The following DTX2 variants were observed in gnomAD, a reference collection of about 807,000 sequenced individuals.
DTX2 encodes the protein probable E3 ubiquitin-protein ligase DTX2.
Under a neutral mutation model 55.3 loss-of-function variants are expected in DTX2, and 29 were observed. The observed-to-expected ratio is 0.52, with a 90% CI of 0.39 to 0.71. The LOEUF (loss-of-function observed/expected upper bound fraction) is 0.71. Among genes scored for constraint, DTX2 ranks in the 30% least tolerant of loss-of-function variants. The pLI, the probability that DTX2 is intolerant of heterozygous loss-of-function variation, is 0.00. For missense variants in DTX2, 537 were observed against 822.5 expected (o/e 0.65, Z 4.25); for synonymous variants, 276 against 340.4 (o/e 0.81, Z 2.08).
chr7:76,465,038 A>T, intron 2 of DTX2, among the ~76,000 whole-genome samples: 1 of 150,832 alleles, frequency 6.6e-6, no homozygotes, highest in Middle Eastern at 3.4e-3. Flanking sequence ...TCCCAGGCTC[A>T]AGAGGTTCTT....
At chr7:76,499,033 G>GAGA (rs2116570057) in intron 6 of DTX2, among the ~76,000 whole-genome samples, 1 of 53,562 alleles carries the variant, frequency 1.9e-5, no homozygotes, top group Non-Finnish European at 3.4e-5. Flanking sequence ...GTGAGGTGGG[G>GAGA]TGTGAGGTGT....
In DTX2 at chr7:76,502,303, C is replaced by A. The variant is rs1287241104; in HGVS notation, c.1236C>A (p.Cys412Ter). Residue 412 changes from cysteine (C) to a stop codon, truncating the protein, a stop_gained, in exon 8 of 11, where the codon TGC becomes TGA. Transcript: ENST00000430490. LOFTEE classifies it high-confidence loss of function. ...EELKVPPDED[C>*]IICMEKLSTA... ...CCATGTTTGGTCTCCTCCAGGACTGCATCATCTGCATGGAGAAGCTGTCCA... is the reference window on the plus strand; with the variant it reads ...CCATGTTTGGTCTCCTCCAGGACTGAATCATCTGCATGGAGAAGCTGTCCA... 1 of 1,607,030 alleles carries A rather than the reference C, an allele frequency of 6.2e-7. No individual in the cohort carries two copies. Among genetic ancestry groups the A allele is most frequent in the African/African-American group, 1.3e-5 (1 of 74,886 alleles).
intron 2 of DTX2, among the ~76,000 whole-genome samples, chr7:76,466,788 G>A (rs1807235435): frequency 6.6e-6 from 1 of 152,246 alleles, no homozygotes; most frequent in South Asian, 2.1e-4. Context: ...AGTAGAGACG[G>A]AGTTTCTCCA....
chr7:76,491,374 A>C (rs1335531575), intron 4 of DTX2, among the ~76,000 whole-genome samples: 9 of 118,192 alleles, frequency 7.6e-5, no homozygotes, highest in South Asian at 3.0e-4. Context: ...AGCAACCTCC[A>C]CCTCCTGGGT....
At chr7:76,490,896 A>G (rs1445606361) in intron 4 of DTX2, among the ~76,000 whole-genome samples, 1 of 133,566 alleles carries the variant, frequency 7.5e-6, no homozygotes, top group Admixed American at 7.6e-5. Context: ...GGGGTTTATG[A>G]TACTGACCTG....
rs1357696043 is a variant in DTX2 at position 76,482,821 on chromosome 7, C to T, written c.582C>T (p.Val194=). 6 of 1,613,806 alleles carry T rather than the reference C, an allele frequency of 3.7e-6. No homozygotes were observed. The highest frequency in any genetic ancestry group is 1.3e-5 in the African/African-American group (1 of 75,024). The change falls in exon 4 of 11, where the codon GTC becomes GTT. Residue 194 remains valine (V), a synonymous_variant. Transcript: ENST00000430490. ...TCGCTCCGCCGGGCCACACAGGCGTCGCCTGCTCTTGCCACCAGTGCCTCA... is the reference window on the plus strand; with the variant it reads ...TCGCTCCGCCGGGCCACACAGGCGTTGCCTGCTCTTGCCACCAGTGCCTCA... The part of the protein sequence containing the change: ...TIIAPPGHTG[V]ACSCHQCLSG...
intron 4 of DTX2, among the ~76,000 whole-genome samples, chr7:76,483,703 TGA>T (rs745654588): frequency 6.7e-6 from 1 of 149,632 alleles, no homozygotes; most frequent in African/African-American, 2.5e-5. Flanking sequence ...CTCAGCTCCT[TGA>T]GAGAGAGAGA....
At chr7:76,467,979 G>T (rs1411451787) in intron 2 of DTX2, among the ~76,000 whole-genome samples, 1 of 152,302 alleles carries the variant, frequency 6.6e-6, no homozygotes, top group Non-Finnish European at 1.5e-5. Flanking sequence ...AGGGGCTCGG[G>T]CAGGGCATCC....
At chr7:76,481,212 A>T (rs1248537561) in intron 3 of DTX2, among the ~76,000 whole-genome samples, 1 of 146,568 alleles carries the variant, frequency 6.8e-6, no homozygotes, top group South Asian at 2.1e-4. Flanking sequence ...TTTGAGACGG[A>T]GTCTGGCTCT....
chr7:76,481,036 G>A (rs1442042520), intron 3 of DTX2, among the ~76,000 whole-genome samples: 2 of 152,238 alleles, frequency 1.3e-5, no homozygotes, highest in Non-Finnish European at 2.9e-5. Context: ...GAGGTTGAAG[G>A]GTTCCTTTGG....
intron 6 of DTX2, among the ~76,000 whole-genome samples, chr7:76,499,030 G>A (rs1345513737): frequency 2.6e-5 from 1 of 38,298 alleles, no homozygotes; most frequent in African/African-American, 1.8e-4. Flanking sequence ...TGTGTGAGGT[G>A]GGGTGTGAGG....
chr7:76,463,896 T>C (rs1436919554), intron 2 of DTX2, among the ~76,000 whole-genome samples, 187 bp downstream of exon 2: 53 of 145,306 alleles, frequency 3.6e-4, no homozygotes, highest in African/African-American at 1.3e-3. Flanking sequence ...AACTAACTAG[T>C]CTTAGAAGAT....
intron 2 of DTX2, among the ~76,000 whole-genome samples, chr7:76,463,986 CT>C (rs1287049676): frequency 6.8e-6 from 1 of 148,108 alleles, no homozygotes; most frequent in Non-Finnish European, 1.5e-5. Context: ...GTTTTCATTT[CT>C]TTTGTTGCAT....
At chr7:76,502,665 T>C (rs1028424074) in intron 8 of DTX2, 21 of 556,142 alleles carry the variant, frequency 3.8e-5, no homozygotes, top group Non-Finnish European at 5.6e-5. Flanking sequence ...CCCCACACTT[T>C]AGAAAGGAGG....
At chr7:76,503,206 C>T (rs552272442) in intron 8 of DTX2, among the ~76,000 whole-genome samples, 1 of 152,322 alleles carries the variant, frequency 6.6e-6, no homozygotes, top group Non-Finnish European at 1.5e-5. Context: ...CACCTGTCTC[C>T]TGATAGCATG....
intron 8 of DTX2, chr7:76,502,970 A>G (rs1811902384): frequency 9.5e-6 from 2 of 210,928 alleles, no homozygotes; most frequent in Admixed American, 1.1e-4. Context: ...ACTGACCCCC[A>G]GCTGCTCTCC....
rs764145554 is a variant in DTX2 at position 76,482,618 on chromosome 7, A to G, written c.379A>G (p.Ser127Gly). 36 of 1,613,700 alleles carry G rather than the reference A, an allele frequency of 2.2e-5. No individual in the cohort carries two copies. The highest frequency in any genetic ancestry group is 1.6e-4 in the Middle Eastern group (1 of 6,064). Residue 127 changes from serine to glycine, a missense_variant, in exon 4 of 11, where the codon AGC (serine) becomes GGC (glycine). Transcript: ENST00000430490. ...DDGSWTAYEA[S>G]VCDYLEQQVA... The stretch of plus-strand genomic sequence containing the variant: ...TGGCTCCTGGACTGCCTATGAAGCC[A>G]GCGTCTGTGACTATCTGGAGCAGCA...
intron 3 of DTX2, among the ~76,000 whole-genome samples, chr7:76,481,880 C>T (rs185727007): frequency 6.7e-4 from 99 of 146,984 alleles, no homozygotes; most frequent in African/African-American, 2.2e-3. Context: ...TTTGTAAAGA[C>T]TGGGTCTCCA....
intron 7 of DTX2, among the ~76,000 whole-genome samples, chr7:76,500,750 G>A (rs1811577391): frequency 6.6e-6 from 1 of 151,506 alleles, no homozygotes; most frequent in South Asian, 2.1e-4. Flanking sequence ...TCCTCTCCCG[G>A]CCCTGGCCTC....
Sources: allele counts gnomAD v4.1 joint callset (sites outside exome capture counted in the v4.1 genomes callset), GRCh38; gene constraint gnomAD v4.1.1; transcripts MANE v1.5; gene names NCBI Gene and HGNC (gene_info 2026-07-23, HGNC 2026-07-21).